The following BTBD9 variants were observed in gnomAD, a reference collection of about 807,000 sequenced individuals.
BTBD9 encodes the protein BTB/POZ domain-containing protein 9.
A neutral mutation model predicts 64.3 loss-of-function variants in BTBD9; 49 were observed. The ratio of observed to expected loss-of-function variants is 0.76; its 90% CI spans 0.61 to 0.97. The LOEUF is 0.97. Among genes scored for constraint, BTBD9 ranks in the 50% least tolerant of loss-of-function variants. The probability of loss-of-function intolerance (pLI) is 0.00; values close to 1 mark genes in which losing one functional copy is unlikely to be tolerated. For missense variants in BTBD9, 598 were observed against 762.1 expected (o/e 0.78, Z 2.53); for synonymous variants, 260 against 274.7 (o/e 0.95, Z 0.53).
intron 6 of BTBD9, among the ~76,000 whole-genome samples, chr6:38,381,106 A>G (rs1455638413): frequency 6.6e-6 from 1 of 152,156 alleles, no homozygotes; most frequent in Non-Finnish European, 1.5e-5. Flanking sequence ...ATAGCAAAAA[A>G]TGATAGGGGA....
intron 6 of BTBD9, among the ~76,000 whole-genome samples, chr6:38,388,499 A>T (rs890606623): frequency 2.6e-5 from 4 of 152,240 alleles, no homozygotes; most frequent in Non-Finnish European, 2.9e-5. Flanking sequence ...AGAGAAGGGA[A>T]CTAAAATGCT....
chr6:38,534,923 AG>A (rs1773956586), intron 6 of BTBD9, among the ~76,000 whole-genome samples: 2 of 152,114 alleles, frequency 1.3e-5, no homozygotes, highest in Non-Finnish European at 2.9e-5. Context: ...ATACTGAATG[AG>A]GAAAAACTGA....
chr6:38,632,383 A>G (rs1442116074), intron 1 of BTBD9, among the ~76,000 whole-genome samples: 1 of 152,236 alleles, frequency 6.6e-6, no homozygotes, highest in South Asian at 2.1e-4. Flanking sequence ...GCAAGTCAGA[A>G]TAACTACACT....
intron 6 of BTBD9, among the ~76,000 whole-genome samples, chr6:38,415,942 G>C (rs1343805867): frequency 6.6e-6 from 1 of 152,094 alleles, no homozygotes; most frequent in Non-Finnish European, 1.5e-5. Flanking sequence ...CACCCTAACA[G>C]AGTCTATGAA....
At chr6:38,459,748 A>G (rs555799301) in intron 6 of BTBD9, among the ~76,000 whole-genome samples, 1 of 152,340 alleles carries the variant, frequency 6.6e-6, no homozygotes, top group African/African-American at 2.4e-5. Flanking sequence ...GTTAAAAATT[A>G]TGTTCATAAT....
At chr6:38,186,202 T>C (rs759760072) in intron 10 of BTBD9, among the ~76,000 whole-genome samples, 2 of 152,218 alleles carry the variant, frequency 1.3e-5, no homozygotes, top group East Asian at 1.9e-4. Context: ...ACACTTAGTA[T>C]TGAGTTTCCT....
intron 6 of BTBD9, among the ~76,000 whole-genome samples, chr6:38,411,997 A>T (rs886485347): frequency 1.3e-5 from 2 of 152,128 alleles, no homozygotes; most frequent in African/African-American, 4.8e-5. Flanking sequence ...ATGTACACAC[A>T]CATATATATA....
rs746958299 is a variant in BTBD9 at position 38,345,009 on chromosome 6, G to C, written c.1239C>G (p.Thr413=). The change falls in exon 7 of 11, where the codon ACC becomes ACG. Residue 413 remains threonine, a synonymous_variant. Coordinates refer to ENST00000481247, the MANE Select transcript of BTBD9 (RefSeq NM_001099272.2). ...CTATCAGCCCCTTCTCAAGAGTGAA[G>C]GTTTTGTTTGTAAACATACATTCAA... ...VAFECMFTNK[T]FTLEKGLIVP... 5.0e-6 allele frequency: 8 copies of C among 1,606,960 alleles called. No homozygotes were observed. Among genetic ancestry groups the C allele is most frequent in the Non-Finnish European group, 5.1e-6 (6 of 1,174,932 alleles).
chr6:38,341,585 T>G (rs1384113944), intron 7 of BTBD9, among the ~76,000 whole-genome samples: 1 of 152,202 alleles, frequency 6.6e-6, no homozygotes, highest in Non-Finnish European at 1.5e-5. Flanking sequence ...GCAGAAAAAC[T>G]TGGCAAATAC....
chr6:38,284,404 A>T (rs752332573), intron 8 of BTBD9, among the ~76,000 whole-genome samples: 4 of 152,236 alleles, frequency 2.6e-5, no homozygotes, highest in Non-Finnish European at 5.9e-5. Context: ...TTCTGGAGTC[A>T]GATTCAACAT....
At chr6:38,515,602 C>T (rs945736265) in intron 6 of BTBD9, among the ~76,000 whole-genome samples, 2 of 152,124 alleles carry the variant, frequency 1.3e-5, no homozygotes, top group Non-Finnish European at 2.9e-5. Context: ...ATTTCAATAT[C>T]CTCTCTCCAT....
At chr6:38,270,079 C>A (rs1765148235) in intron 8 of BTBD9, among the ~76,000 whole-genome samples, 1 of 152,164 alleles carries the variant, frequency 6.6e-6, no homozygotes, top group Non-Finnish European at 1.5e-5. Context: ...TGCAGCTAGA[C>A]CTTGCGACAT....
chr6:38,204,381 T>C (rs1008998592), intron 9 of BTBD9, among the ~76,000 whole-genome samples: 1 of 152,220 alleles, frequency 6.6e-6, no homozygotes, highest in African/African-American at 2.4e-5. Flanking sequence ...GGAATACTGT[T>C]CAGCAATAAT....
chr6:38,284,320 C>T (rs1341951311), intron 8 of BTBD9, among the ~76,000 whole-genome samples: 1 of 152,152 alleles, frequency 6.6e-6, no homozygotes. Context: ...TTGGGAGAAC[C>T]ACTTTCATTC....
chr6:38,232,518 C>G (rs1763644493), intron 9 of BTBD9, among the ~76,000 whole-genome samples: 1 of 152,068 alleles, frequency 6.6e-6, no homozygotes, highest in African/African-American at 2.4e-5. Context: ...GATCTGCCTG[C>G]CTCAGCAGAA....
At chr6:38,364,773 A>G (rs1395179115) in intron 6 of BTBD9, among the ~76,000 whole-genome samples, 1 of 152,212 alleles carries the variant, frequency 6.6e-6, no homozygotes, top group Non-Finnish European at 1.5e-5. Context: ...CTAACAGGAT[A>G]AAATGGAAAA....
At chr6:38,418,052 T>C (rs932565582) in intron 6 of BTBD9, among the ~76,000 whole-genome samples, 3 of 124,564 alleles carry the variant, frequency 2.4e-5, no homozygotes, top group African/African-American at 3.0e-5. Flanking sequence ...CCTCCTATAA[T>C]TGAAGAATGC....
intron 6 of BTBD9, among the ~76,000 whole-genome samples, chr6:38,364,463 C>T (rs191541571): frequency 3.9e-4 from 60 of 152,264 alleles, no homozygotes; most frequent in Non-Finnish European, 5.9e-5. Flanking sequence ...TATGCAAATG[C>T]TTTCAGACTA....
chr6:38,567,583 G>C (rs1775579271), intron 6 of BTBD9, among the ~76,000 whole-genome samples: 1 of 152,158 alleles, frequency 6.6e-6, no homozygotes, highest in African/African-American at 2.4e-5. Flanking sequence ...TCCTTGCAGG[G>C]ATTGAGCCCT....
Sources: allele counts gnomAD v4.1 joint callset (sites outside exome capture counted in the v4.1 genomes callset), GRCh38; gene constraint gnomAD v4.1.1; transcripts MANE v1.5; gene names NCBI Gene and HGNC (gene_info 2026-07-23, HGNC 2026-07-21).